MINAR1: variants seen among roughly 807,000 people sequenced by gnomAD.
The protein encoded by MINAR1 is major intrinsically disordered Notch2-binding receptor 1.
MINAR1 carries 40 observed loss-of-function variants against 65.1 expected under a neutral mutation model. The ratio of observed to expected loss-of-function variants is 0.61; its 90% CI spans 0.48 to 0.80. MINAR1 has a LOEUF of 0.80. MINAR1 is among the 30% of genes least tolerant of loss of function. MINAR1 has a pLI of 0.00. For synonymous variants in MINAR1, 482 were observed against 449.1 expected (o/e 1.07, Z -0.93); for missense variants, 1,128 against 1,148.0 (o/e 0.98, Z 0.25).
At chr15:79,425,484 C>T in the MINAR1 span, 2 of 152,234 alleles carry the variant, frequency 1.3e-5, no homozygotes, top group Non-Finnish European at 2.9e-5. Flanking sequence ...CCTCCCTCAC[C>T]TCACATGATG....
At chr15:79,434,813 T>C (rs1296751889) in intron 1 of MINAR1, among the ~76,000 whole-genome samples, 1 of 152,236 alleles carries the variant, frequency 6.6e-6, no homozygotes, top group East Asian at 1.9e-4. Flanking sequence ...GCTTCCTACC[T>C]AGGCATGCTT....
chr15:79,430,888 TA>T (rs141125264), upstream of MINAR1, among the ~76,000 whole-genome samples: 1 of 152,234 alleles, frequency 6.6e-6, no homozygotes, highest in African/African-American at 2.4e-5. Flanking sequence ...GTTTTGTTTT[TA>T]AAAAACTTTT....
intron 1 of MINAR1, among the ~76,000 whole-genome samples, chr15:79,437,717 TGGGTAGTG>T (rs1894655700): frequency 9.9e-5 from 2 of 20,142 alleles, no homozygotes; most frequent in Non-Finnish European, 2.1e-4. Flanking sequence ...TGGGTGTGGG[TGGGTAGTG>T]AGTGTGTGGG....
intron 1 of MINAR1, among the ~76,000 whole-genome samples, chr15:79,450,418 G>A (rs982519859): frequency 6.6e-6 from 1 of 152,040 alleles, no homozygotes; most frequent in Non-Finnish European, 1.5e-5. Flanking sequence ...TGAGGAGGGT[G>A]TGCTGTAGTT....
chr15:79,457,323 G>A lies in MINAR1; in HGVS notation c.1176G>A (p.Lys392=). The A allele has an allele frequency of 6.2e-7, 1 of 1,614,164 alleles. No individual in the cohort carries two copies. The highest frequency in any genetic ancestry group is 8.5e-7 in the Non-Finnish European group (1 of 1,180,038). The change falls in exon 2 of 4, where the codon AAG becomes AAA. Residue 392 remains lysine (K), a synonymous_variant. Coordinates refer to ENST00000305428, the MANE Select transcript of MINAR1 (RefSeq NM_015206.3). The part of the protein sequence containing the change: ...SFFNRNPSEE[K]LHYPNASSQT... ...TCAATAGAAATCCCTCCGAGGAGAAGCTACACTATCCAAATGCCAGTAGCC... is the reference window on the plus strand; with the variant it reads ...TCAATAGAAATCCCTCCGAGGAGAAACTACACTATCCAAATGCCAGTAGCC...
At chr15:79,453,279 C>T (rs1895299720) in intron 1 of MINAR1, among the ~76,000 whole-genome samples, 1 of 152,088 alleles carries the variant, frequency 6.6e-6, no homozygotes, top group African/African-American at 2.4e-5. Flanking sequence ...GGATGCTTGT[C>T]CTCCTGGCAT....
chr15:79,465,875 GGTGTTCAT>G (rs1895830587), intron 3 of MINAR1, among the ~76,000 whole-genome samples: 1 of 152,054 alleles, frequency 6.6e-6, no homozygotes, highest in Non-Finnish European at 1.5e-5. Flanking sequence ...ACTGCTGAAG[GGTGTTCAT>G]GTTTTCATGC....
chr15:79,439,311 G>A (rs59771685), intron 1 of MINAR1, among the ~76,000 whole-genome samples: 1 of 86,016 alleles, frequency 1.2e-5, no homozygotes, highest in African/African-American at 4.2e-5. Context: ...GGTGGGGTGG[G>A]TAGTGATGAG....
In MINAR1 at chr15:79,463,738, GT is replaced by G. The variant is rs1190625325; in HGVS notation, c.2553+420del. ...TTGTGGGAGCCAAGCTATGGATTAT[GT>G]TTCCATACGGAGCAGCCCCAGGTAA... On this transcript the variant is annotated intron_variant, in intron 3 of 3. Transcript: ENST00000305428. 4 of 461,202 alleles carry G rather than the reference GT, an allele frequency of 8.7e-6. No homozygotes were observed. The Admixed American group carries it at 9.4e-5, about 11-fold the overall frequency. 28.6% of individuals were successfully genotyped at this position (461,202 alleles called of 1,614,324 possible).
chr15:79,449,510 A>AGG lies in MINAR1; in HGVS notation c.-50-6588_-50-6587insGG, dbSNP rs146245185. On this transcript the variant is annotated intron_variant, in intron 1 of 3. Coordinates refer to ENST00000305428, the MANE Select transcript of MINAR1 (RefSeq NM_015206.3). ...GGGCATTTTTGCTGCATCTTCACATAACAAAAGGGCAAAAGGGCAAGCTAG... is the reference window on the plus strand; with the variant it reads ...GGGCATTTTTGCTGCATCTTCACATAGGACAAAAGGGCAAAAGGGCAAGCTAG... 1.7e-4 allele frequency among the ~76,000 whole-genome samples: 26 copies of AGG among 152,052 alleles called. No homozygotes were observed. In the South Asian group the frequency reaches 2.7e-3, roughly 16 times the overall value.
At chr15:79,468,157 G>A in intron 3 of MINAR1, 30 bp from the exon 4 acceptor site, 3 of 1,579,566 alleles carry the variant, frequency 1.9e-6, no homozygotes, top group Non-Finnish European at 2.6e-6. Flanking sequence ...AGTATTCACT[G>A]TATTTCTAAC....
At chr15:79,424,763 T>TAC in the MINAR1 span, 3 of 152,218 alleles carry the variant, frequency 2.0e-5, no homozygotes, top group African/African-American at 7.2e-5. Flanking sequence ...ACTGAGCCCC[T>TAC]ACTGTATTTC....
chr15:79,446,521 A>G (rs1441628187), intron 1 of MINAR1, among the ~76,000 whole-genome samples: 31 of 151,820 alleles, frequency 2.0e-4, no homozygotes, highest in Admixed American at 2.0e-3. Context: ...TAATGATTTT[A>G]TTTCTATTTT....
intron 1 of MINAR1, among the ~76,000 whole-genome samples, chr15:79,446,870 T>G (rs1428734190): frequency 1.3e-5 from 2 of 152,112 alleles, no homozygotes; most frequent in African/African-American, 4.8e-5. Flanking sequence ...GATTTAATGG[T>G]TTTTGTTGTT....
intron 1 of MINAR1, among the ~76,000 whole-genome samples, chr15:79,448,531 C>T (rs1198542662): frequency 6.6e-6 from 1 of 152,200 alleles, no homozygotes; most frequent in African/African-American, 2.4e-5. Context: ...AAATTCAAAA[C>T]AAGCAGGCCA....
Position 79,456,719 on chromosome 15 carries a change from C to A in MINAR1, c.572C>A (p.Ser191Tyr), listed in dbSNP as rs756561850. 2.5e-6 allele frequency: 4 copies of A among 1,614,082 alleles called. No homozygotes were observed. The African/African-American group carries it at 5.3e-5, about 22-fold the overall frequency. Residue 191 changes from serine (S) to tyrosine (Y), a missense_variant, in exon 2 of 4, where the codon TCC (serine) becomes TAC (tyrosine). Physicochemically the swap from Ser to Tyr is moderately radical, Grantham distance 144. Transcript: ENST00000305428. ...VSKEVKNRAA[S>Y]LDRLQALAPY... ...AAAGAGGTGAAAAACCGCGCCGCTT[C>A]CCTGGACAGGTTGCAGGCCCTGGCT...
intron 2 of MINAR1, 112 bp from the exon 3 acceptor site, chr15:79,462,955 A>G: frequency 8.5e-7 from 1 of 1,172,668 alleles, no homozygotes; most frequent in South Asian, 1.6e-5. Flanking sequence ...GCTGGAAGTA[A>G]CTGCACTTTG....
chr15:79,437,511 G>A (rs1280323827), intron 1 of MINAR1, among the ~76,000 whole-genome samples: 1 of 150,740 alleles, frequency 6.6e-6, no homozygotes, highest in African/African-American at 2.4e-5. Flanking sequence ...GGTTGTGAGT[G>A]GGTAGAGGTG....
chr15:79,411,596 T>C, the MINAR1 span: 1 of 675,232 alleles, frequency 1.5e-6, no homozygotes, highest in African/African-American at 1.8e-5. Context: ...AGAGCTACCA[T>C]GCACTGGGAC....
Sources: allele counts gnomAD v4.1 joint callset (sites outside exome capture counted in the v4.1 genomes callset), GRCh38; gene constraint gnomAD v4.1.1; transcripts MANE v1.5; gene names NCBI Gene and HGNC (gene_info 2026-07-23, HGNC 2026-07-21).